Variants in STK39 observed in about 807,000 individuals in gnomAD.
STK39 encodes the protein STE20/SPS1-related proline-alanine-rich protein kinase.
Under a neutral mutation model 77.8 loss-of-function variants are expected in STK39, and 20 were observed. The observed-to-expected ratio is 0.26, with a 90% CI of 0.18 to 0.37. STK39 has a LOEUF of 0.37. Among genes scored for constraint, STK39 ranks in the 10% least tolerant of loss-of-function variants. STK39 has a pLI of 1.00. For missense variants in STK39, 479 were observed against 656.5 expected, an observed-to-expected ratio of 0.73 and a Z score of 2.95; for synonymous variants, 246 against 234.1, an observed-to-expected ratio of 1.05 and a Z score of -0.47.
At chr2:168,155,561 A>AC (rs1034667127) in intron 5 of STK39, among the ~76,000 whole-genome samples, 91 of 139,306 alleles carry the variant, frequency 6.5e-4, no homozygotes, top group Middle Eastern at 7.1e-3. Context: ...AAGCACTTGC[A>AC]CCCCCCCCAC....
At position 167,980,325 on chromosome 2, in the gene STK39, C is replaced by T. The variant is rs139737431; in HGVS notation, c.1499-15599G>A. Among the ~76,000 whole-genome samples, 12 of 152,304 alleles carry T rather than the reference C, an allele frequency of 7.9e-5. No individual in the cohort carries two copies. In the East Asian group the frequency reaches 1.4e-3, roughly 17 times the overall value. On this transcript the variant is annotated intron_variant, in intron 16 of 17. Transcript: ENST00000355999. ...TATGCCAAAGGAAAAGAAAAGGCAACACATAACTTCCCAGGATCAACTTTT... is the reference window on the plus strand; with the variant it reads ...TATGCCAAAGGAAAAGAAAAGGCAATACATAACTTCCCAGGATCAACTTTT...
At chr2:168,140,476 C>T in intron 6 of STK39, 86 bp from the exon 7 acceptor site, 1 of 1,287,388 alleles carries the variant, frequency 7.8e-7, no homozygotes, top group Admixed American at 1.8e-5. Flanking sequence ...AAATCCACAG[C>T]TGTTGATGTA....
intron 2 of STK39, among the ~76,000 whole-genome samples, chr2:168,177,442 T>C (rs908941450): frequency 4.6e-5 from 7 of 151,880 alleles, no homozygotes; most frequent in Admixed American, 2.0e-4. Context: ...TAGGAAAAAA[T>C]TGAAAGGGAT....
At chr2:168,036,223 A>G (rs748351332) in intron 14 of STK39, among the ~76,000 whole-genome samples, 19 of 110,328 alleles carry the variant, frequency 1.7e-4, no homozygotes, top group Admixed American at 1.4e-3. Flanking sequence ...CCATACAGGG[A>G]AAAAAAAAAA....
intron 16 of STK39, among the ~76,000 whole-genome samples, chr2:167,990,255 C>T (rs16854498): frequency 0.05 from 7,673 of 152,154 alleles, 692 homozygotes; most frequent in African/African-American, 0.17. Flanking sequence ...AAATGAAGGG[C>T]GCTGTTCACA....
At chr2:168,174,834 A>T (rs1345155872) in intron 2 of STK39, among the ~76,000 whole-genome samples, 1 of 143,106 alleles carries the variant, frequency 7.0e-6, no homozygotes, top group African/African-American at 2.6e-5. Flanking sequence ...TCATCTCTTA[A>T]AAAAAAAAAA....
At chr2:168,034,535 TG>T (rs1400769482) in intron 14 of STK39, among the ~76,000 whole-genome samples, 2 of 152,158 alleles carry the variant, frequency 1.3e-5, no homozygotes, top group Non-Finnish European at 2.9e-5. Context: ...CCACCATTGC[TG>T]GTAACTCTCT....
chr2:167,964,807 T>G, intron 16 of STK39, 81 bp from the exon 17 acceptor site: 1 of 1,262,696 alleles, frequency 7.9e-7, no homozygotes, highest in African/African-American at 1.5e-5. Context: ...CTCAGAAAAT[T>G]TGACTAATGA....
intron 14 of STK39, among the ~76,000 whole-genome samples, chr2:168,025,510 G>T (rs922000602): frequency 1.3e-5 from 2 of 152,164 alleles, no homozygotes; most frequent in African/African-American, 2.4e-5. Context: ...CAGATGAGAA[G>T]AAATGACTGA....
chr2:168,230,014 A>G (rs563552990), intron 1 of STK39, among the ~76,000 whole-genome samples: 2 of 152,220 alleles, frequency 1.3e-5, no homozygotes, highest in African/African-American at 4.8e-5. Context: ...ACGAGAGTGT[A>G]CACAAGGGTA....
rs141139385 is a variant in STK39, at chr2:168,038,906, C to G, written c.1377-21811G>C. Among the ~76,000 whole-genome samples, 1,101 of 152,236 alleles carry G rather than the reference C, an allele frequency of 7.2e-3. 9 individuals are homozygous for G. Among genetic ancestry groups the G allele is most frequent in the African/African-American group, 0.025 (1,047 of 41,554 alleles). The stretch of plus-strand genomic sequence containing the variant: ...AAAGATTGACGATACCAAGTATTAA[C>G]AAGAATGTAGAGGAACTAGAATTCT... On this transcript the variant is annotated intron_variant, in intron 14 of 17. Coordinates refer to ENST00000355999, the MANE Select transcript of STK39 (RefSeq NM_013233.3).
At chr2:168,089,028 C>T (rs561675853) in intron 10 of STK39, among the ~76,000 whole-genome samples, 3 of 152,260 alleles carry the variant, frequency 2.0e-5, no homozygotes, top group South Asian at 2.1e-4. Context: ...CCTAGGGCTC[C>T]CCAGCGATGT....
At chr2:168,037,109 T>C (rs995357600) in intron 14 of STK39, among the ~76,000 whole-genome samples, 1 of 152,196 alleles carries the variant, frequency 6.6e-6, no homozygotes, top group East Asian at 1.9e-4. Flanking sequence ...TCTTTTTATA[T>C]AAGAGTGAGT....
intron 14 of STK39, among the ~76,000 whole-genome samples, chr2:168,036,293 C>G (rs984162425): frequency 1.3e-5 from 2 of 151,872 alleles, no homozygotes; most frequent in Admixed American, 6.6e-5. Context: ...GCAGTGGGCT[C>G]CTGACCCCCA....
chr2:168,137,987 A>G, intron 8 of STK39, 101 bp downstream of exon 8: 1 of 1,458,830 alleles, frequency 6.9e-7, no homozygotes. Flanking sequence ...CCAGACAAGA[A>G]ATACCTTTCC....
At chr2:167,990,695 C>T (rs1683678784) in intron 16 of STK39, among the ~76,000 whole-genome samples, 1 of 152,162 alleles carries the variant, frequency 6.6e-6, no homozygotes, top group Non-Finnish European at 1.5e-5. Context: ...GGAAAAAGAA[C>T]CCACATATCT....
chr2:168,175,425 A>G (rs1688933348), intron 2 of STK39, among the ~76,000 whole-genome samples: 1 of 152,208 alleles, frequency 6.6e-6, no homozygotes, highest in South Asian at 2.1e-4. Flanking sequence ...TACTTTCTGA[A>G]AAAAAAGCAT....
chr2:168,198,594 T>C (rs568953237), intron 1 of STK39, among the ~76,000 whole-genome samples: 2 of 152,350 alleles, frequency 1.3e-5, no homozygotes, highest in Non-Finnish European at 2.9e-5. Flanking sequence ...CCGATGATAC[T>C]AGAATGACTC....
chr2:168,136,513 G>T (rs549327135), intron 8 of STK39, among the ~76,000 whole-genome samples: 7 of 151,942 alleles, frequency 4.6e-5, no homozygotes, highest in Non-Finnish European at 8.8e-5. Flanking sequence ...CTACCCTACA[G>T]AACAATTTTC....
Sources: gnomAD v4.1 joint callset for allele counts (sites outside exome capture counted in the v4.1 genomes callset) on GRCh38, gnomAD v4.1.1 for gene constraint, MANE v1.5 for transcripts, NCBI Gene and HGNC (gene_info 2026-07-23, HGNC 2026-07-21) for gene names.